CHIC2: variants seen among roughly 807,000 people sequenced by gnomAD.
The protein encoded by CHIC2 is cysteine-rich hydrophobic domain-containing protein 2.
A neutral mutation model predicts 25.9 loss-of-function variants in CHIC2; 14 were observed. That is an observed-to-expected ratio of 0.54 (90% CI 0.36 to 0.85). CHIC2 has a LOEUF of 0.85. Ranked by LOEUF, CHIC2 falls within the 40% of genes least tolerant of loss-of-function variation. The probability of loss-of-function intolerance (pLI) is 0.01; values close to 1 mark genes in which losing one functional copy is unlikely to be tolerated. For synonymous variants in CHIC2, 70 were observed against 72.0 expected (o/e 0.97, Z 0.14); for missense variants, 146 against 202.0 (o/e 0.72, Z 1.68).
chr4:54,048,467 C>A (rs1716903727), intron 3 of CHIC2, among the ~76,000 whole-genome samples: 1 of 152,116 alleles, frequency 6.6e-6, no homozygotes, highest in Non-Finnish European at 1.5e-5. Context: ...TGTATGGGTA[C>A]CATCTTACAG....
chr4:54,062,169 C>T (rs564191043), intron 1 of CHIC2, among the ~76,000 whole-genome samples: 1 of 152,122 alleles, frequency 6.6e-6, no homozygotes, highest in Admixed American at 6.5e-5. Flanking sequence ...AACCCAGAGC[C>T]TAGAACCAAG....
intron 5 of CHIC2, among the ~76,000 whole-genome samples, chr4:54,012,036 A>G (rs1405759272): frequency 1.3e-5 from 2 of 151,988 alleles, no homozygotes; most frequent in African/African-American, 4.8e-5. Flanking sequence ...TTTAAGCTAC[A>G]TTATTCTCAC....
rs1044668725 is a variant in CHIC2 at position 54,040,624 on chromosome 4, C to T, written c.330+8331G>A. 4.8e-5 allele frequency among the ~76,000 whole-genome samples: 7 copies of T among 145,330 alleles called. No individual in the cohort carries two copies. In the East Asian group the frequency reaches 6.5e-4, roughly 13 times the overall value. On this transcript the variant is annotated intron_variant, in intron 3 of 5. Coordinates refer to ENST00000263921, the MANE Select transcript of CHIC2 (RefSeq NM_012110.4). The stretch of plus-strand genomic sequence containing the variant: ...GCTGAGGCAAGAGAATCACTTGAAC[C>T]GGGGAGGTGTAGGTTGTGATGAGCT...
chr4:54,013,165 A>G (rs960473576), intron 5 of CHIC2, among the ~76,000 whole-genome samples: 4 of 152,130 alleles, frequency 2.6e-5, no homozygotes, highest in African/African-American at 4.8e-5. Flanking sequence ...AATTTTCTAG[A>G]GTATTCTGAA....
chr4:54,070,112 G>C, the CHIC2 span, among the ~76,000 whole-genome samples: 1 of 152,228 alleles, frequency 6.6e-6, no homozygotes, highest in Non-Finnish European at 1.5e-5. Flanking sequence ...TATGGAGGTA[G>C]GGAAGTAGAG....
the CHIC2 span, among the ~76,000 whole-genome samples, chr4:54,089,379 C>T: frequency 4.4e-5 from 6 of 135,312 alleles, no homozygotes; most frequent in Admixed American, 4.9e-4. Flanking sequence ...GCTATGATCC[C>T]ACCACCACAT....
chr4:54,047,387 T>A (rs553398397), intron 3 of CHIC2, among the ~76,000 whole-genome samples: 1 of 152,000 alleles, frequency 6.6e-6, no homozygotes, highest in Non-Finnish European at 1.5e-5. Flanking sequence ...TAGCAAAGAC[T>A]TGGAACCAAC....
At chr4:54,052,467 T>A (rs1717030266) in intron 1 of CHIC2, among the ~76,000 whole-genome samples, 1 of 152,148 alleles carries the variant, frequency 6.6e-6, no homozygotes, top group Non-Finnish European at 1.5e-5. Flanking sequence ...TAAGACAAAG[T>A]ACAACTGGTT....
At chr4:54,087,884 A>G in the CHIC2 span, 3 of 260,638 alleles carry the variant, frequency 1.2e-5, no homozygotes, top group Admixed American at 1.0e-4. Flanking sequence ...AACATTGTTA[A>G]TGTAAAACAG....
chr4:54,087,370 T>C, the CHIC2 span: 1 of 568,038 alleles, frequency 1.8e-6, no homozygotes, highest in Non-Finnish European at 3.1e-6. Context: ...TTTAACTCCC[T>C]GCTAAGCAAA....
intron 3 of CHIC2, among the ~76,000 whole-genome samples, chr4:54,045,382 G>T (rs1278359311): frequency 2.6e-5 from 4 of 152,058 alleles, no homozygotes; most frequent in East Asian, 3.9e-4. Context: ...TTGATGAACA[G>T]TGATGCAAAA....
At chr4:54,064,726 C>A, upstream of CHIC2, 1 of 902,398 alleles carries the variant, frequency 1.1e-6, no homozygotes, top group Non-Finnish European at 1.3e-6. This position sits in a 1 kb window ranked among gnomAD's most constrained non-coding sequence, Gnocchi z 4.2. Context: ...GGCTGGCGGG[C>A]GGGCGGGCGC....
intron 3 of CHIC2, among the ~76,000 whole-genome samples, chr4:54,040,679 G>T (rs549080167): frequency 4.6e-4 from 66 of 142,566 alleles, no homozygotes; most frequent in Admixed American, 9.4e-4. Context: ...CTCCAGCCTG[G>T]GTGATAAAAG....
intron 3 of CHIC2, among the ~76,000 whole-genome samples, chr4:54,029,484 T>G (rs1296243143): frequency 6.6e-6 from 1 of 152,234 alleles, no homozygotes; most frequent in Non-Finnish European, 1.5e-5. Flanking sequence ...AAAATAGCAT[T>G]GATTTTCCAC....
chr4:54,032,381 TCA>T (rs535111581), intron 3 of CHIC2, among the ~76,000 whole-genome samples: 1,523 of 150,156 alleles, frequency 0.01, 18 homozygotes, highest in African/African-American at 0.035. Context: ...TTCTCCTGCC[TCA>T]GCCTGCCGAG....
intron 3 of CHIC2, among the ~76,000 whole-genome samples, chr4:54,029,629 T>A (rs1292832459): frequency 1.3e-5 from 2 of 152,188 alleles, no homozygotes; most frequent in Non-Finnish European, 2.9e-5. Flanking sequence ...TGTTGCAATA[T>A]CTGTATTATG....
At chr4:54,040,956 C>T (rs914661347) in intron 3 of CHIC2, among the ~76,000 whole-genome samples, 1 of 150,046 alleles carries the variant, frequency 6.7e-6, no homozygotes, top group Admixed American at 6.7e-5. Context: ...AAAAAGAGGG[C>T]ACTAAGTTGG....
rs1717425839 is a variant in CHIC2 at position 54,064,130 on chromosome 4, C to G, written c.119+52G>C. ...GGGAAACGGGGCTCCCGTGGAGTAA[C>G]GGGGCCCACCCCAGCCCGCACCTCC... On this transcript the variant is annotated intron_variant, in intron 1 of 5. Coordinates refer to ENST00000263921, the MANE Select transcript of CHIC2 (RefSeq NM_012110.4). This position sits in a 1 kb window ranked among gnomAD's most constrained non-coding sequence, Gnocchi z 4.2. 6.7e-7 allele frequency: 1 copy of G among 1,503,700 alleles called. No individual in the cohort carries two copies. Among genetic ancestry groups the G allele is most frequent in the Non-Finnish European group, 9.1e-7 (1 of 1,099,038 alleles). The allele number at this position is 1,503,700 out of a possible 1,614,324, so 93.1% of individuals were successfully genotyped here.
intron 3 of CHIC2, among the ~76,000 whole-genome samples, chr4:54,017,880 A>G (rs1238942733): frequency 2.0e-5 from 3 of 152,180 alleles, no homozygotes; most frequent in East Asian, 1.9e-4. Context: ...CTTAGTGGTT[A>G]TATTTTTCTC....
Sources: allele counts gnomAD v4.1 joint callset (sites outside exome capture counted in the v4.1 genomes callset), GRCh38; gene constraint gnomAD v4.1.1; non-coding constraint Gnocchi (gnomAD v3.1); transcripts MANE v1.5; gene names NCBI Gene and HGNC (gene_info 2026-07-23, HGNC 2026-07-21).